ANKS1B: variants seen among roughly 807,000 people sequenced by gnomAD.
The protein encoded by ANKS1B is ankyrin repeat and sterile alpha motif domain-containing protein 1B.
A neutral mutation model predicts 148.3 loss-of-function variants in ANKS1B; 36 were observed. The observed-to-expected ratio is 0.24, with a 90% CI of 0.19 to 0.32. The LOEUF (loss-of-function observed/expected upper bound fraction) is 0.32. ANKS1B is among the 10% of genes least tolerant of loss of function. The pLI is 1.00. For missense variants in ANKS1B, 1,157 were observed against 1,542.6 expected (o/e 0.75, Z 4.19); for synonymous variants, 542 against 560.8 (o/e 0.97, Z 0.47).
chr12:98,852,951 G>A (rs2099539233), intron 17 of ANKS1B, among the ~76,000 whole-genome samples: 3 of 152,170 alleles, frequency 2.0e-5, no homozygotes, highest in Admixed American at 2.0e-4. Context: ...CCAAAAAGAT[G>A]TGAGAAATCT....
intron 15 of ANKS1B, among the ~76,000 whole-genome samples, chr12:99,088,838 GTTTTTTTT>G (rs386377539): frequency 3.4e-4 from 24 of 69,848 alleles, no homozygotes; most frequent in African/African-American, 1.1e-3. Flanking sequence ...TTTAACTTCT[GTTTTTTTT>G]TTTTTTTTTT....
chr12:98,986,852 C>T (rs995923948), intron 17 of ANKS1B, among the ~76,000 whole-genome samples: 12 of 152,164 alleles, frequency 7.9e-5, no homozygotes. Context: ...CTCCTGGGCT[C>T]AAGTGATCCT....
chr12:99,541,538 CA>C (rs1364996207), intron 9 of ANKS1B, among the ~76,000 whole-genome samples: 1 of 152,106 alleles, frequency 6.6e-6, no homozygotes, highest in African/African-American at 2.4e-5. Context: ...ATCATCTCAA[CA>C]GACACAGAGA....
At chr12:99,016,841 G>T (rs2099942857) in intron 17 of ANKS1B, among the ~76,000 whole-genome samples, 1 of 152,166 alleles carries the variant, frequency 6.6e-6, no homozygotes, top group South Asian at 2.1e-4. Context: ...AAAATAAAAG[G>T]GTTCTTGCCT....
intron 12 of ANKS1B, among the ~76,000 whole-genome samples, chr12:99,322,371 G>A (rs746398988): frequency 4.0e-5 from 6 of 151,542 alleles, no homozygotes; most frequent in Non-Finnish European, 8.8e-5. Context: ...GGGAATGAGG[G>A]GAGTGAACTT....
At chr12:99,679,581 A>G (rs1258635927) in intron 8 of ANKS1B, among the ~76,000 whole-genome samples, 1 of 152,064 alleles carries the variant, frequency 6.6e-6, no homozygotes, top group Non-Finnish European at 1.5e-5. Flanking sequence ...AAGTGCTGGG[A>G]TAACAGGTGT....
chr12:99,465,645 A>G (rs112640292), intron 10 of ANKS1B, among the ~76,000 whole-genome samples: 1 of 152,220 alleles, frequency 6.6e-6, no homozygotes, highest in African/African-American at 2.4e-5. Flanking sequence ...TTGCAATCCT[A>G]GTCTCTGATA....
intron 14 of ANKS1B, among the ~76,000 whole-genome samples, chr12:99,158,817 G>C (rs561923486): frequency 5.3e-5 from 8 of 152,272 alleles, no homozygotes; most frequent in Admixed American, 5.2e-4. Context: ...ATGTGTCCAA[G>C]AGAAAGGGCT....
intron 12 of ANKS1B, among the ~76,000 whole-genome samples, chr12:99,344,268 G>A (rs2090352412): frequency 6.6e-6 from 1 of 151,892 alleles, no homozygotes; most frequent in Admixed American, 6.6e-5. Flanking sequence ...ATTATTTGTT[G>A]ACACATTCTT....
At chr12:99,013,414 A>G (rs942087381) in intron 17 of ANKS1B, among the ~76,000 whole-genome samples, 2 of 151,924 alleles carry the variant, frequency 1.3e-5, no homozygotes, top group South Asian at 4.2e-4. Context: ...TGTTTATCAC[A>G]TTTATTAAGC....
intron 9 of ANKS1B, among the ~76,000 whole-genome samples, chr12:99,609,120 A>G (rs1284353222): frequency 1.3e-5 from 2 of 152,054 alleles, no homozygotes; most frequent in Non-Finnish European, 2.9e-5. Flanking sequence ...GTTTCAGTTG[A>G]CTGTGAAGTT....
intron 17 of ANKS1B, among the ~76,000 whole-genome samples, chr12:99,029,639 C>T (rs1810819659): frequency 6.6e-6 from 1 of 152,188 alleles, no homozygotes; most frequent in African/African-American, 2.4e-5. Context: ...ACTAACAATG[C>T]ATAAGAAGCA....
At chr12:99,807,778 C>T (rs577755201) in intron 3 of ANKS1B, among the ~76,000 whole-genome samples, 79 of 152,068 alleles carry the variant, frequency 5.2e-4, no homozygotes, top group African/African-American at 1.8e-3. Context: ...GTGGTAGGAC[C>T]GGGATTTGAA....
intron 8 of ANKS1B, among the ~76,000 whole-genome samples, chr12:99,757,168 C>A (rs552043179): frequency 6.6e-6 from 1 of 151,608 alleles, no homozygotes; most frequent in Admixed American, 6.6e-5. Flanking sequence ...AGAAAACCTA[C>A]ATATTGGGAG....
intron 10 of ANKS1B, among the ~76,000 whole-genome samples, chr12:99,501,627 T>C (rs2096656929): frequency 6.6e-6 from 1 of 152,180 alleles, no homozygotes; most frequent in South Asian, 2.1e-4. Context: ...TCTAAGGCTG[T>C]AGCCCTTGGA....
intron 8 of ANKS1B, among the ~76,000 whole-genome samples, chr12:99,682,848 C>A (rs2098629106): frequency 6.6e-6 from 1 of 151,902 alleles, no homozygotes; most frequent in African/African-American, 2.4e-5. Flanking sequence ...ATAAACAAAT[C>A]AATAGATCAT....
At chr12:99,528,914 T>C (rs563413089) in intron 9 of ANKS1B, among the ~76,000 whole-genome samples, 4 of 152,318 alleles carry the variant, frequency 2.6e-5, no homozygotes, top group Non-Finnish European at 5.9e-5. Context: ...TATTCTCTTT[T>C]GCTTTGCTTG....
chr12:98,830,424 GTC>G (rs560294186), intron 18 of ANKS1B, among the ~76,000 whole-genome samples: 306 of 152,094 alleles, frequency 2.0e-3, no homozygotes, highest in African/African-American at 7.0e-3. Context: ...TCCCACTCCA[GTC>G]TCTCTCAGGA....
intron 17 of ANKS1B, among the ~76,000 whole-genome samples, chr12:98,998,053 G>A (rs926429421): frequency 7.2e-5 from 11 of 152,206 alleles, no homozygotes. Flanking sequence ...TTTGTCTGGT[G>A]TTCCATGTAT....
Sources: allele counts gnomAD v4.1 joint callset (sites outside exome capture counted in the v4.1 genomes callset), GRCh38; gene constraint gnomAD v4.1.1; transcripts MANE v1.5; gene names NCBI Gene and HGNC (gene_info 2026-07-23, HGNC 2026-07-21).